Variants in SLC39A11 observed in about 807,000 individuals in gnomAD.
The protein encoded by SLC39A11 is solute carrier family 39 member 11.
In SLC39A11, 33 loss-of-function variants were observed where a neutral mutation model predicts 36.1. The observed-to-expected ratio is 0.91, with a 90% confidence interval of 0.69 to 1.22. The LOEUF (loss-of-function observed/expected upper bound fraction) is 1.22, where lower values mean the gene tolerates loss of function less well. SLC39A11 is among the 50% of genes most tolerant of loss of function. The pLI is 0.00. For synonymous variants in SLC39A11, 166 were observed against 170.3 expected, an observed-to-expected ratio of 0.97 and a Z score of 0.20; for missense variants, 432 against 430.3, an observed-to-expected ratio of 1.00 and a Z score of -0.03.
intron 5 of SLC39A11, among the ~76,000 whole-genome samples, chr17:72,917,809 C>T (rs186203222): frequency 6.6e-5 from 10 of 152,294 alleles, no homozygotes; most frequent in Non-Finnish European, 1.0e-4. Context: ...GAAGGAGCTG[C>T]GTTGTTTTCT....
intron 5 of SLC39A11, among the ~76,000 whole-genome samples, chr17:72,898,073 G>A (rs1044810717): frequency 2.0e-5 from 3 of 152,098 alleles, no homozygotes; most frequent in African/African-American, 7.2e-5. Context: ...AAGAGAAGGG[G>A]GAAGAGCCAA....
intron 6 of SLC39A11, among the ~76,000 whole-genome samples, chr17:72,782,378 G>A (rs368892928): frequency 1.9e-4 from 29 of 152,244 alleles, no homozygotes; most frequent in African/African-American, 6.7e-4. Context: ...ATGCATCTCT[G>A]TTGTTTTAAG....
chr17:73,038,281 GA>G (rs972889630), intron 3 of SLC39A11, among the ~76,000 whole-genome samples: 1 of 152,018 alleles, frequency 6.6e-6, no homozygotes, highest in African/African-American at 2.4e-5. Context: ...AGGAGGAAAT[GA>G]AAAAACAAAA....
intron 6 of SLC39A11, among the ~76,000 whole-genome samples, chr17:72,762,092 G>A (rs1369767487): frequency 3.9e-5 from 6 of 152,206 alleles, no homozygotes; most frequent in African/African-American, 7.2e-5. Flanking sequence ...CGTCAGAGGC[G>A]TTGGAACAAG....
Position 72,891,189 on chromosome 17 carries a change from A to T in SLC39A11, c.431-41385T>A, listed in dbSNP as rs140216214. On this transcript the variant is annotated intron_variant, in intron 5 of 9. Coordinates refer to ENST00000255559, the MANE Select transcript of SLC39A11 (RefSeq NM_139177.4). The stretch of plus-strand genomic sequence containing the variant: ...GTAATCCCAGCACTTTGGGAGGCCA[A>T]GGTGAGTGGATCACCCGAGGTCAGG... 3.3e-3 allele frequency among the ~76,000 whole-genome samples: 510 copies of T among 152,262 alleles called. 4 individuals are homozygous for T. Among genetic ancestry groups the T allele is most frequent in the Admixed American group, 0.011 (162 of 15,286 alleles).
chr17:72,894,508 A>G (rs1025473425), intron 5 of SLC39A11, among the ~76,000 whole-genome samples: 9 of 150,646 alleles, frequency 6.0e-5, no homozygotes, highest in East Asian at 3.9e-4. Context: ...CTAAAAAAAA[A>G]AAAAAAAAAA....
intron 7 of SLC39A11, among the ~76,000 whole-genome samples, chr17:72,671,449 G>A (rs558465170): frequency 6.6e-6 from 1 of 152,196 alleles, no homozygotes; most frequent in African/African-American, 2.4e-5. Flanking sequence ...GGCTGGCTGC[G>A]GCAGCTCACG....
At chr17:73,039,716 C>T (rs142851051) in intron 3 of SLC39A11, among the ~76,000 whole-genome samples, 177 of 152,196 alleles carry the variant, frequency 1.2e-3, no homozygotes, top group Middle Eastern at 6.8e-3. Flanking sequence ...AAAGGGCCAA[C>T]GCAGAATTTT....
At chr17:73,072,083 AC>A (rs2060178412) in intron 3 of SLC39A11, among the ~76,000 whole-genome samples, 1 of 152,204 alleles carries the variant, frequency 6.6e-6, no homozygotes, top group East Asian at 1.9e-4. Flanking sequence ...CAGAGCACTT[AC>A]CCCTGACTAT....
At chr17:72,821,222 GC>G (rs2077766054) in intron 6 of SLC39A11, among the ~76,000 whole-genome samples, 1 of 150,744 alleles carries the variant, frequency 6.6e-6, no homozygotes, top group Non-Finnish European at 1.5e-5. Flanking sequence ...GGAAATCTGG[GC>G]CAGGCACAGT....
rs374336369 is a variant in SLC39A11, at chr17:72,877,750, C to T, written c.431-27946G>A. Among the ~76,000 whole-genome samples the T allele has an allele frequency of 1.7e-4, 26 of 152,196 alleles. No homozygotes were observed. In the East Asian group the frequency reaches 4.8e-3, roughly 28 times the overall value. Reference sequence around the variant, plus strand: ...CCGGGGACAGCGTGCTTTACTCTGGCGCCTCAGGTCCAGAGCACGTGATGG... The same window carrying T: ...CCGGGGACAGCGTGCTTTACTCTGGTGCCTCAGGTCCAGAGCACGTGATGG... On this transcript the variant is annotated intron_variant, in intron 5 of 9. Transcript: ENST00000255559.
chr17:72,870,670 A>G lies in SLC39A11; in HGVS notation c.431-20866T>C, dbSNP rs149105967. ...ACGCTCTCCTGCAGATTTGTGGCCA[A>G]TTGGTAAGTAGCTCCAAGATAATGT... On this transcript the variant is annotated intron_variant, in intron 5 of 9. Transcript: ENST00000255559. Among the ~76,000 whole-genome samples, 12 of 152,338 alleles carry G rather than the reference A, an allele frequency of 7.9e-5. No individual in the cohort carries two copies. In the East Asian group the frequency reaches 1.2e-3, roughly 15 times the overall value.
chr17:73,007,521 C>T (rs1370443505), intron 4 of SLC39A11, among the ~76,000 whole-genome samples: 2 of 152,112 alleles, frequency 1.3e-5, no homozygotes, highest in African/African-American at 4.8e-5. Context: ...AAGGACTTGG[C>T]CTGGTGAAAG....
chr17:72,733,238 G>A (rs183531829), intron 7 of SLC39A11, among the ~76,000 whole-genome samples: 2 of 152,186 alleles, frequency 1.3e-5, no homozygotes, highest in Admixed American at 6.5e-5. Context: ...TTTCTCCTTA[G>A]TCCTTGGCTG....
intron 7 of SLC39A11, among the ~76,000 whole-genome samples, chr17:72,729,405 TTATATATATATATA>T (rs1162603035): frequency 1.3e-3 from 38 of 29,236 alleles, no homozygotes; most frequent in Non-Finnish European, 1.4e-3. Context: ...ACCTGGCTAT[TTATATATATATATA>T]TATATATATA....
At chr17:72,660,503 G>C (rs1043691592) in intron 7 of SLC39A11, among the ~76,000 whole-genome samples, 4 of 152,204 alleles carry the variant, frequency 2.6e-5, no homozygotes, top group African/African-American at 9.7e-5. Flanking sequence ...AAGTGACAGA[G>C]CAGGGCCTCC....
At chr17:72,659,075 C>A (rs577178521) in intron 7 of SLC39A11, among the ~76,000 whole-genome samples, 25 of 152,310 alleles carry the variant, frequency 1.6e-4, no homozygotes, top group Admixed American at 9.1e-4. Context: ...GCAACTTGGC[C>A]ACCTGGAAGC....
chr17:72,661,681 A>G (rs902750152), intron 7 of SLC39A11, among the ~76,000 whole-genome samples: 1 of 152,146 alleles, frequency 6.6e-6, no homozygotes, highest in African/African-American at 2.4e-5. Context: ...TACTCCCCGC[A>G]GGGCTGCCCG....
At chr17:73,031,461 A>C in intron 4 of SLC39A11, 95 bp downstream of exon 4, 1 of 1,343,446 alleles carries the variant, frequency 7.4e-7, no homozygotes, top group Non-Finnish European at 1.0e-6. Context: ...CTTAACAGAG[A>C]CATTAACAGG....
Sources: gnomAD v4.1 joint callset for allele counts (sites outside exome capture counted in the v4.1 genomes callset) on GRCh38, gnomAD v4.1.1 for gene constraint, MANE v1.5 for transcripts, NCBI Gene and HGNC (gene_info 2026-07-23, HGNC 2026-07-21) for gene names.